The following KLHL1 variants were observed in gnomAD, a reference collection of about 807,000 sequenced individuals.
The protein encoded by KLHL1 is kelch-like protein 1.
In KLHL1, 47 loss-of-function variants were observed where a neutral mutation model predicts 77.7. The observed-to-expected ratio is 0.60, with a 90% CI of 0.48 to 0.77. The LOEUF is 0.77. Among genes scored for constraint, KLHL1 ranks in the 30% least tolerant of loss-of-function variants. KLHL1 has a pLI of 0.00. For missense variants in KLHL1, 925 were observed against 910.8 expected (o/e 1.02, Z -0.20); for synonymous variants, 360 against 325.2 (o/e 1.11, Z -1.15).
At chr13:69,914,742 T>C (rs1320639155) in intron 4 of KLHL1, among the ~76,000 whole-genome samples, 1 of 152,178 alleles carries the variant, frequency 6.6e-6, no homozygotes, top group Non-Finnish European at 1.5e-5. Flanking sequence ...AAACAATATA[T>C]ATATGTATAC....
chr13:69,957,395 G>C (rs973030712), intron 3 of KLHL1, among the ~76,000 whole-genome samples: 1 of 151,676 alleles, frequency 6.6e-6, no homozygotes, highest in East Asian at 1.9e-4. Context: ...TTTCTATACA[G>C]ATGGTTCCTG....
intron 1 of KLHL1, among the ~76,000 whole-genome samples, chr13:69,997,233 A>T (rs894582658): frequency 2.0e-5 from 3 of 151,570 alleles, no homozygotes; most frequent in African/African-American, 7.3e-5. Context: ...AAATAAATGA[A>T]TAAATAATAA....
At chr13:69,733,184 CAT>C (rs1297969903) in intron 8 of KLHL1, among the ~76,000 whole-genome samples, 1 of 151,612 alleles carries the variant, frequency 6.6e-6, no homozygotes, top group Non-Finnish European at 1.5e-5. Context: ...ACAGTAAAAA[CAT>C]CTATAAGAAT....
chr13:69,813,601 C>A (rs571010710), intron 6 of KLHL1, among the ~76,000 whole-genome samples: 3 of 151,828 alleles, frequency 2.0e-5, no homozygotes, highest in Non-Finnish European at 2.9e-5. Context: ...TTTCTATATA[C>A]AAATAATGTT....
chr13:69,861,987 A>C (rs1045548846), intron 5 of KLHL1, among the ~76,000 whole-genome samples: 19 of 138,276 alleles, frequency 1.4e-4, no homozygotes, highest in Middle Eastern at 6.7e-3. Flanking sequence ...AAATAAAATA[A>C]AATAAAATAA....
At chr13:70,092,131 C>A (rs1443763329) in intron 1 of KLHL1, among the ~76,000 whole-genome samples, 1 of 152,156 alleles carries the variant, frequency 6.6e-6, no homozygotes, top group African/African-American at 2.4e-5. Context: ...AACCAGCTGG[C>A]ACCTTGATTT....
At chr13:69,728,746 T>G (rs1486387862) in intron 8 of KLHL1, among the ~76,000 whole-genome samples, 4 of 151,474 alleles carry the variant, frequency 2.6e-5, no homozygotes, top group East Asian at 4.0e-4. Flanking sequence ...AAGCAGAGGT[T>G]GTAGTGAGCT....
At chr13:70,052,895 C>T (rs1886661493) in intron 1 of KLHL1, among the ~76,000 whole-genome samples, 1 of 151,846 alleles carries the variant, frequency 6.6e-6, no homozygotes, top group African/African-American at 2.4e-5. Context: ...TATTTTATTC[C>T]TTACATTGAT....
intron 7 of KLHL1, among the ~76,000 whole-genome samples, chr13:69,779,758 C>T (rs892099382): frequency 4.6e-5 from 7 of 151,628 alleles, no homozygotes; most frequent in Non-Finnish European, 1.0e-4. Flanking sequence ...GTTATCTGCT[C>T]CAAAAACTTG....
rs1390900406 is a variant in KLHL1, at chr13:69,784,912, C to T, written c.1639+11826G>A. On this transcript the variant is annotated intron_variant, in intron 7 of 10. Transcript: ENST00000377844. ...TTTTTTTTTTTTTTTTTTTTTGAGA[C>T]AGAGTCTCGCTCTGTCGCCCAGGCT... 2.6e-4 allele frequency among the ~76,000 whole-genome samples: 17 copies of T among 64,686 alleles called. 1 individual carries two copies. The highest frequency in any genetic ancestry group is 8.5e-4 in the African/African-American group (15 of 17,556). 42.4% of individuals were successfully genotyped at this position (64,686 alleles called of 152,430 possible).
At chr13:69,956,157 T>TA (rs576110173) in intron 3 of KLHL1, among the ~76,000 whole-genome samples, 1 of 140,398 alleles carries the variant, frequency 7.1e-6, no homozygotes, top group African/African-American at 2.7e-5. Flanking sequence ...TTTATATATA[T>TA]TTGATATATA....
intron 7 of KLHL1, among the ~76,000 whole-genome samples, chr13:69,765,642 G>A (rs1355389403): frequency 6.6e-6 from 1 of 152,126 alleles, no homozygotes; most frequent in African/African-American, 2.4e-5. Context: ...CTAGTTTTTA[G>A]CTGGCTATAT....
chr13:69,711,277 A>C (rs1048592652), intron 9 of KLHL1, among the ~76,000 whole-genome samples: 1 of 152,252 alleles, frequency 6.6e-6, no homozygotes, highest in Admixed American at 6.6e-5. Context: ...TTTATAGTCC[A>C]GTAGGTTTGC....
rs201584433 is a variant in KLHL1, at chr13:70,001,614, T to C, written c.498-25812A>G. Among the ~76,000 whole-genome samples the C allele has an allele frequency of 6.7e-5, 10 of 148,422 alleles. No homozygotes were observed. The South Asian group carries it at 1.7e-3, about 25-fold the overall frequency. Reference sequence around the variant, plus strand: ...ATCTATCTATCTATCTATCTATCTATCTACCTATCATCTTTCTACTGAAAC... The same window carrying C: ...ATCTATCTATCTATCTATCTATCTACCTACCTATCATCTTTCTACTGAAAC... On this transcript the variant is annotated intron_variant, in intron 1 of 10. Coordinates refer to ENST00000377844, the MANE Select transcript of KLHL1 (RefSeq NM_020866.3).
intron 7 of KLHL1, among the ~76,000 whole-genome samples, chr13:69,787,341 T>A (rs1240184217): frequency 3.3e-5 from 5 of 152,114 alleles, no homozygotes; most frequent in Admixed American, 6.5e-5. Context: ...AACAGAGCCC[T>A]CAGAAATAAT....
chr13:69,815,603 G>T (rs73506314), intron 6 of KLHL1, among the ~76,000 whole-genome samples: 2,949 of 152,162 alleles, frequency 0.019, 83 homozygotes, highest in African/African-American at 0.067. Flanking sequence ...TCATCCATCA[G>T]GTACTATGTT....
intron 1 of KLHL1, among the ~76,000 whole-genome samples, chr13:70,094,970 A>C (rs1887752855): frequency 6.6e-6 from 1 of 152,158 alleles, no homozygotes; most frequent in Non-Finnish European, 1.5e-5. Flanking sequence ...TTCTATACCC[A>C]GTCCCCATTG....
chr13:69,970,523 GCTC>G (rs1163671046), intron 2 of KLHL1, among the ~76,000 whole-genome samples: 1 of 152,058 alleles, frequency 6.6e-6, no homozygotes, highest in Non-Finnish European at 1.5e-5. Flanking sequence ...GCACCCAGAT[GCTC>G]CTTTTTTCAG....
At chr13:69,805,691 CAAAAAA>C (rs55988841) in intron 6 of KLHL1, among the ~76,000 whole-genome samples, 1 of 133,912 alleles carries the variant, frequency 7.5e-6, no homozygotes, top group African/African-American at 2.7e-5. Context: ...TGAAAAAAAA[CAAAAAA>C]AAAAACAAAA....
Sources: gnomAD v4.1 joint callset for allele counts (sites outside exome capture counted in the v4.1 genomes callset) on GRCh38, gnomAD v4.1.1 for gene constraint, MANE v1.5 for transcripts, NCBI Gene and HGNC (gene_info 2026-07-23, HGNC 2026-07-21) for gene names.